The following NLGN1 variants were observed in gnomAD, a reference collection of about 807,000 sequenced individuals.
NLGN1 encodes the protein neuroligin 1, also known as neuroligin-1.
Under a neutral mutation model 65.5 loss-of-function variants are expected in NLGN1, and 12 were observed. The ratio of observed to expected loss-of-function variants is 0.18; its 90% CI spans 0.12 to 0.30. NLGN1 has a LOEUF of 0.30. Ranked by LOEUF, NLGN1 falls within the 10% of genes least tolerant of loss-of-function variation. The pLI is 1.00. For missense variants in NLGN1, 750 were observed against 1,007.1 expected (o/e 0.74, Z 3.46); for synonymous variants, 350 against 359.5 (o/e 0.97, Z 0.30).
intron 2 of NLGN1, among the ~76,000 whole-genome samples, chr3:173,558,140 A>G (rs1321889847): frequency 1.3e-5 from 2 of 151,858 alleles, no homozygotes; most frequent in Admixed American, 1.3e-4. Flanking sequence ...ATACAGTTGC[A>G]TTGTCTTCTT....
chr3:173,814,733 T>G (rs9868337), intron 4 of NLGN1, among the ~76,000 whole-genome samples: 128,574 of 152,152 alleles, frequency 0.85, 55,187 homozygotes, highest in African/African-American at 0.93. Flanking sequence ...AGCTATTAAG[T>G]ATATTGTGAA....
At chr3:173,781,035 T>G (rs993001616) in intron 3 of NLGN1, among the ~76,000 whole-genome samples, 1 of 150,020 alleles carries the variant, frequency 6.7e-6, no homozygotes, top group Admixed American at 6.7e-5. Flanking sequence ...TCCCAGCTAC[T>G]CGGGAGGCTG....
At chr3:173,761,725 A>G (rs1777996166) in intron 3 of NLGN1, among the ~76,000 whole-genome samples, 1 of 151,990 alleles carries the variant, frequency 6.6e-6, no homozygotes, top group East Asian at 1.9e-4. Flanking sequence ...AAAATGAGGA[A>G]ATAAGACCTT....
chr3:174,103,690 A>C (rs929643487), intron 4 of NLGN1, among the ~76,000 whole-genome samples: 1 of 152,142 alleles, frequency 6.6e-6, no homozygotes, highest in Non-Finnish European at 1.5e-5. Flanking sequence ...ACTGTTGTAC[A>C]AAACATAAAG....
chr3:173,443,585 A>G (rs963105306), intron 2 of NLGN1, among the ~76,000 whole-genome samples: 7 of 152,134 alleles, frequency 4.6e-5, no homozygotes, highest in African/African-American at 1.7e-4. Flanking sequence ...TTAAAAATTT[A>G]CTTTCAGACT....
intron 2 of NLGN1, among the ~76,000 whole-genome samples, chr3:173,463,028 T>C (rs1723666120): frequency 6.6e-6 from 1 of 152,136 alleles, no homozygotes. Context: ...TTGCTTTATA[T>C]AGGAGAGGCA....
intron 4 of NLGN1, among the ~76,000 whole-genome samples, chr3:174,102,454 G>A (rs1712754937): frequency 6.6e-6 from 1 of 152,120 alleles, no homozygotes; most frequent in Admixed American, 6.6e-5. Context: ...GGTAGAATTA[G>A]TTTTGAGTAA....
At chr3:173,724,483 G>A (rs190980036) in intron 3 of NLGN1, 53 of 213,160 alleles carry the variant, frequency 2.5e-4, no homozygotes, top group African/African-American at 9.8e-4. Context: ...ACCATGTTAC[G>A]CAGGCTGGTC....
chr3:174,230,919 A>T (rs1740587742), intron 4 of NLGN1, among the ~76,000 whole-genome samples: 2 of 152,124 alleles, frequency 1.3e-5, no homozygotes, highest in African/African-American at 4.8e-5. Flanking sequence ...TGTTCAAATG[A>T]TAATTTTGAA....
intron 3 of NLGN1, among the ~76,000 whole-genome samples, chr3:173,721,137 C>T (rs1299161879): frequency 6.6e-6 from 1 of 152,192 alleles, no homozygotes; most frequent in Non-Finnish European, 1.5e-5. Flanking sequence ...AAAGAAGCTG[C>T]AAGCCTCAAC....
intron 2 of NLGN1, among the ~76,000 whole-genome samples, chr3:173,537,834 A>G (rs1350376313): frequency 1.3e-5 from 2 of 152,128 alleles, no homozygotes; most frequent in African/African-American, 4.8e-5. Context: ...TGTTCCAGAC[A>G]TCCTCTTTCT....
At chr3:174,250,023 T>C (rs1744491350) in intron 4 of NLGN1, among the ~76,000 whole-genome samples, 1 of 152,196 alleles carries the variant, frequency 6.6e-6, no homozygotes, top group Admixed American at 6.5e-5. Flanking sequence ...AGGAAATCTT[T>C]TAGGTTGTTA....
intron 2 of NLGN1, among the ~76,000 whole-genome samples, chr3:173,455,445 G>T (rs1206374492): frequency 1.3e-5 from 2 of 152,124 alleles, no homozygotes; most frequent in African/African-American, 4.8e-5. Context: ...ATTTCAATAT[G>T]TGATTCAGTG....
intron 3 of NLGN1, among the ~76,000 whole-genome samples, chr3:173,617,530 C>T (rs993719949): frequency 6.6e-6 from 1 of 152,178 alleles, no homozygotes; most frequent in Non-Finnish European, 1.5e-5. Context: ...TCTGCTATGC[C>T]ATCACTGTTT....
At chr3:174,179,387 T>A (rs1034309215) in intron 4 of NLGN1, among the ~76,000 whole-genome samples, 21 of 151,988 alleles carry the variant, frequency 1.4e-4, no homozygotes, top group African/African-American at 4.8e-4. Context: ...AAGGGCACAA[T>A]AGGATAGAAA....
At chr3:173,448,170 T>C (rs374301556) in intron 2 of NLGN1, among the ~76,000 whole-genome samples, 6 of 152,040 alleles carry the variant, frequency 3.9e-5, no homozygotes, top group African/African-American at 1.4e-4. Flanking sequence ...CCAGTTTTTG[T>C]CCATTCAGTA....
chr3:174,088,544 C>G (rs911548735), intron 4 of NLGN1, among the ~76,000 whole-genome samples: 5 of 151,882 alleles, frequency 3.3e-5, no homozygotes, highest in African/African-American at 1.2e-4. Context: ...ATCACGAGGT[C>G]GGGAGATTGA....
At chr3:173,560,556 C>A (rs564949353) in intron 2 of NLGN1, among the ~76,000 whole-genome samples, 1 of 151,776 alleles carries the variant, frequency 6.6e-6, no homozygotes, top group Non-Finnish European at 1.5e-5. Flanking sequence ...GCTTCAAATA[C>A]CCGTCTATTT....
At chr3:174,001,160 G>A (rs1399192060) in intron 4 of NLGN1, among the ~76,000 whole-genome samples, 1 of 152,120 alleles carries the variant, frequency 6.6e-6, no homozygotes. Flanking sequence ...GAACAGATGA[G>A]AGCAAAATTG....
Sources: allele counts gnomAD v4.1 joint callset (sites outside exome capture counted in the v4.1 genomes callset), GRCh38; gene constraint gnomAD v4.1.1; transcripts MANE v1.5; gene names NCBI Gene and HGNC (gene_info 2026-07-23, HGNC 2026-07-21).